NXPH1: variants seen among roughly 807,000 people sequenced by gnomAD.
NXPH1 encodes neurexophilin-1.
NXPH1 carries 5 observed loss-of-function variants against 23.7 expected under a neutral mutation model. The ratio of observed to expected loss-of-function variants is 0.21; its 90% confidence interval spans 0.11 to 0.44. NXPH1 has a LOEUF of 0.44. NXPH1 is among the 20% of genes least tolerant of loss of function. The probability of loss-of-function intolerance (pLI) is 0.99; values close to 1 mark genes in which losing one functional copy is unlikely to be tolerated. For synonymous variants in NXPH1, 144 were observed against 122.2 expected (o/e 1.18, Z -1.18); for missense variants, 324 against 321.6 (o/e 1.01, Z -0.06).
intron 2 of NXPH1, among the ~76,000 whole-genome samples, chr7:8,486,268 G>A (rs1355235348): frequency 6.6e-6 from 1 of 152,146 alleles, no homozygotes; most frequent in Non-Finnish European, 1.5e-5. Flanking sequence ...AAGACCTAGA[G>A]GAGTAGAGCA....
chr7:8,531,050 A>G (rs1172393122), intron 2 of NXPH1, among the ~76,000 whole-genome samples: 1 of 152,168 alleles, frequency 6.6e-6, no homozygotes, highest in Non-Finnish European at 1.5e-5. Context: ...CATTATTTTC[A>G]TCTTTGCTCT....
In NXPH1 at chr7:8,682,192, A is replaced by G. The variant is rs1173615979; in HGVS notation, c.55-68816A>G. Among the ~76,000 whole-genome samples the G allele has an allele frequency of 2.0e-5, 3 of 152,182 alleles. No homozygotes were observed. In the East Asian group the frequency reaches 5.8e-4, roughly 29 times the overall value. On this transcript the variant is annotated intron_variant, in intron 2 of 2. Transcript: ENST00000405863. The stretch of plus-strand genomic sequence containing the variant: ...AATGTGGTTACTTAGGGTCCTGAGG[A>G]GCACAGGTGGGAAAATAATTCAGAC...
intron 2 of NXPH1, among the ~76,000 whole-genome samples, chr7:8,450,622 T>G (rs1167481609): frequency 6.6e-6 from 1 of 152,256 alleles, no homozygotes. Flanking sequence ...GAGTCTGGCT[T>G]CATTTCAGTC....
At chr7:8,558,511 A>AATGATATCT (rs1469485654) in intron 2 of NXPH1, among the ~76,000 whole-genome samples, 3 of 151,692 alleles carry the variant, frequency 2.0e-5, no homozygotes, top group Admixed American at 2.0e-4. Context: ...TACTACATAA[A>AATGATATCT]ATGATATCTA....
chr7:8,636,761 G>A (rs1240110191), intron 2 of NXPH1, among the ~76,000 whole-genome samples: 3 of 152,208 alleles, frequency 2.0e-5, no homozygotes, highest in African/African-American at 7.2e-5. Context: ...GGTTTGTATA[G>A]TCCTACAAAT....
intron 2 of NXPH1, among the ~76,000 whole-genome samples, chr7:8,598,682 T>C (rs1340147936): frequency 6.6e-6 from 1 of 152,208 alleles, no homozygotes; most frequent in Non-Finnish European, 1.5e-5. Context: ...GTTTGCAGTT[T>C]ACAGATAAAA....
rs200590060 is a variant in NXPH1 at position 8,722,145 on chromosome 7, G to GA, written c.55-28854dup. 7.0e-3 allele frequency among the ~76,000 whole-genome samples: 1,027 copies of GA among 147,040 alleles called. 13 individuals are homozygous for GA. Among genetic ancestry groups the GA allele is most frequent in the African/African-American group, 0.024 (971 of 40,116 alleles). On this transcript the variant is annotated intron_variant, in intron 2 of 2. Coordinates refer to ENST00000405863, the MANE Select transcript of NXPH1 (RefSeq NM_152745.3). Reference sequence around the variant, plus strand: ...ACTTAGAGATGGATTTGAAGTATGCGAAAAAAAAAGACTTCCATGGAATAA... The same window carrying GA: ...ACTTAGAGATGGATTTGAAGTATGCGAAAAAAAAAAGACTTCCATGGAATAA...
intron 2 of NXPH1, among the ~76,000 whole-genome samples, chr7:8,439,632 AACTTGTGCCAC>A (rs1220337722): frequency 1.3e-5 from 2 of 152,200 alleles, no homozygotes; most frequent in African/African-American, 4.8e-5. Flanking sequence ...ATCCTTTCTA[AACTTGTGCCAC>A]ATTATGAGCC....
chr7:8,488,421 C>A (rs1817196893), intron 2 of NXPH1, among the ~76,000 whole-genome samples: 1 of 152,026 alleles, frequency 6.6e-6, no homozygotes, highest in African/African-American at 2.4e-5. Flanking sequence ...TTTAATAACT[C>A]TAGAGATTAA....
intron 2 of NXPH1, among the ~76,000 whole-genome samples, chr7:8,616,788 AC>A (rs1819748898): frequency 6.6e-6 from 1 of 152,058 alleles, no homozygotes; most frequent in Non-Finnish European, 1.5e-5. Context: ...TCCCCTAAAA[AC>A]AAATACAAGC....
chr7:8,743,858 G>A (rs895534148), intron 2 of NXPH1, among the ~76,000 whole-genome samples: 2 of 151,700 alleles, frequency 1.3e-5, no homozygotes, highest in East Asian at 1.9e-4. Flanking sequence ...CAATTTTTTT[G>A]TATTTTCAGT....
At chr7:8,671,805 C>T (rs2349770) in intron 2 of NXPH1, among the ~76,000 whole-genome samples, 107,082 of 152,074 alleles carry the variant, frequency 0.7, 38,308 homozygotes, top group East Asian at 1. Context: ...AACATTCTGT[C>T]GCCTCTTTAG....
chr7:8,583,507 G>T (rs1021685056), intron 2 of NXPH1, among the ~76,000 whole-genome samples: 93 of 152,260 alleles, frequency 6.1e-4, no homozygotes, highest in African/African-American at 2.0e-3. Flanking sequence ...ATGCATGTTT[G>T]CTATCATTAT....
In NXPH1 at chr7:8,752,825, G is replaced by T. The variant is rs974411301; in HGVS notation, c.*1056G>T. The stretch of plus-strand genomic sequence containing the variant: ...AGGCCATTAAAAAGACAAACTTAAT[G>T]TACAGAGCATTTATTCAGATCAAGT... On this transcript the variant is annotated 3_prime_UTR_variant, in exon 3 of 3. Transcript: ENST00000405863. 3 of 152,396 alleles carry T rather than the reference G, an allele frequency of 2.0e-5. No homozygotes were observed. The highest frequency in any genetic ancestry group is 7.2e-5 in the African/African-American group (3 of 41,380). The allele number at this position is 152,396 out of a possible 1,614,324, so 9.4% of individuals were successfully genotyped here. A position where few individuals can be genotyped will look rare whatever the true frequency, so the allele number is the denominator to read the frequency against.
At chr7:8,497,504 C>T (rs1293731930) in intron 2 of NXPH1, among the ~76,000 whole-genome samples, 6 of 152,114 alleles carry the variant, frequency 3.9e-5, no homozygotes, top group Non-Finnish European at 8.8e-5. Context: ...CCTATTTCTC[C>T]ACATCCTTTC....
intron 2 of NXPH1, among the ~76,000 whole-genome samples, chr7:8,506,274 C>G (rs1449379661): frequency 6.6e-6 from 1 of 152,068 alleles, no homozygotes; most frequent in South Asian, 2.1e-4. Context: ...CAAGGGAAGA[C>G]CAAAGAGTCA....
chr7:8,730,917 A>G (rs1016373963), intron 2 of NXPH1, among the ~76,000 whole-genome samples: 1 of 150,828 alleles, frequency 6.6e-6, no homozygotes, highest in African/African-American at 2.5e-5. Context: ...GTTCTCCTGG[A>G]TAATATCCTG....
At chr7:8,626,939 AT>A (rs1820004100) in intron 2 of NXPH1, among the ~76,000 whole-genome samples, 2 of 151,930 alleles carry the variant, frequency 1.3e-5, no homozygotes. Flanking sequence ...TGACATCCTC[AT>A]TCCTTTAAGC....
intron 2 of NXPH1, among the ~76,000 whole-genome samples, chr7:8,563,658 G>T (rs1818488813): frequency 1.3e-5 from 2 of 151,730 alleles, no homozygotes; most frequent in South Asian, 2.1e-4. Flanking sequence ...TCCTTGGGGT[G>T]ATTCTGGTTG....
Sources: allele counts gnomAD v4.1 joint callset (sites outside exome capture counted in the v4.1 genomes callset), GRCh38; gene constraint gnomAD v4.1.1; transcripts MANE v1.5; gene names NCBI Gene and HGNC (gene_info 2026-07-23, HGNC 2026-07-21).